The following NKAIN3 variants were observed in gnomAD, a reference collection of about 807,000 sequenced individuals.
NKAIN3 encodes the protein sodium/potassium-transporting ATPase subunit beta-1-interacting protein 3.
Under a neutral mutation model 30.2 loss-of-function variants are expected in NKAIN3, and 25 were observed. The observed-to-expected ratio is 0.83, with a 90% CI of 0.60 to 1.16. NKAIN3 has a LOEUF of 1.16. NKAIN3 is among the 50% of genes most tolerant of loss of function. NKAIN3 has a pLI of 0.00. For missense variants in NKAIN3, 225 were observed against 254.1 expected (o/e 0.89, Z 0.78); for synonymous variants, 91 against 89.6 (o/e 1.02, Z -0.09).
intron 5 of NKAIN3, among the ~76,000 whole-genome samples, chr8:62,999,066 A>G (rs1804191625): frequency 6.6e-6 from 1 of 152,018 alleles, no homozygotes; most frequent in Non-Finnish European, 1.5e-5. Context: ...TAATTGGGTT[A>G]TTGCTTTTCT....
intron 5 of NKAIN3, among the ~76,000 whole-genome samples, chr8:62,930,708 C>CT (rs5891884): frequency 0.22 from 31,389 of 145,076 alleles, 3,476 homozygotes; most frequent in South Asian, 0.29. Flanking sequence ...GAATTTCATC[C>CT]TTTTTTTTTT....
At chr8:62,263,456 T>C (rs1812507549) in intron 1 of NKAIN3, among the ~76,000 whole-genome samples, 1 of 152,162 alleles carries the variant, frequency 6.6e-6, no homozygotes, top group African/African-American at 2.4e-5. Context: ...ACTGTTATCC[T>C]ACAGGCATCA....
At chr8:62,475,688 T>A (rs921073603) in intron 1 of NKAIN3, among the ~76,000 whole-genome samples, 42 of 152,188 alleles carry the variant, frequency 2.8e-4, no homozygotes, top group Admixed American at 1.0e-3. Flanking sequence ...ATCCTACAAG[T>A]GATTCTGGAG....
chr8:62,262,513 C>T lies in NKAIN3; in HGVS notation c.54+13386C>T, dbSNP rs1812473511. ...GTCTGTTGGGAAACTCTTCCTTGGC[C>T]TTGTAGTATTGTGATTGCCAAAGAT... On this transcript the variant is annotated intron_variant, in intron 1 of 6. Transcript: ENST00000623646. 2.6e-5 allele frequency among the ~76,000 whole-genome samples: 4 copies of T among 152,104 alleles called. No homozygotes were observed. The South Asian group carries it at 8.3e-4, about 32-fold the overall frequency.
chr8:62,493,682 T>C (rs1398724400), intron 1 of NKAIN3, among the ~76,000 whole-genome samples: 2 of 152,172 alleles, frequency 1.3e-5, no homozygotes, highest in South Asian at 4.1e-4. Flanking sequence ...TTTGTTTGTG[T>C]CATCTCCATC....
chr8:62,368,245 A>G (rs953857290), intron 1 of NKAIN3, among the ~76,000 whole-genome samples: 4 of 152,186 alleles, frequency 2.6e-5, no homozygotes, highest in African/African-American at 9.6e-5. Context: ...TGGAACCACA[A>G]AATACCCAAA....
Position 62,971,180 on chromosome 8 carries a change from A to C in NKAIN3, c.*5773A>C, listed in dbSNP as rs2353363. Among the ~76,000 whole-genome samples, 1 of 152,150 alleles carries C rather than the reference A, an allele frequency of 6.6e-6. No homozygotes were observed. The highest frequency in any genetic ancestry group is 1.5e-5 in the Non-Finnish European group (1 of 68,018). On this transcript the variant is annotated 3_prime_UTR_variant, in exon 7 of 7. Coordinates refer to ENST00000623646, the MANE Select transcript of NKAIN3 (RefSeq NM_001304533.3). ...TGTATTCTGGCCTTGGAGGTGGAGA[A>C]GGAACAAAAGGAATGTTTCTTTCCT...
chr8:62,725,387 A>G (rs1371577970), intron 3 of NKAIN3, among the ~76,000 whole-genome samples: 6 of 151,992 alleles, frequency 3.9e-5, no homozygotes, highest in Non-Finnish European at 8.8e-5. Flanking sequence ...TATGATCCCA[A>G]TTGCCCATTT....
At chr8:62,936,123 G>A (rs879372422) in intron 5 of NKAIN3, among the ~76,000 whole-genome samples, 9 of 152,092 alleles carry the variant, frequency 5.9e-5, no homozygotes, top group African/African-American at 7.3e-5. Flanking sequence ...CCCAAAGACC[G>A]GACTTAATGC....
chr8:62,276,856 A>G (rs1326490733), intron 1 of NKAIN3, among the ~76,000 whole-genome samples: 1 of 152,148 alleles, frequency 6.6e-6, no homozygotes, highest in Non-Finnish European at 1.5e-5. Flanking sequence ...GACTCTTTTT[A>G]GAATACAACT....
At chr8:62,828,220 A>G (rs1313059747) in intron 4 of NKAIN3, among the ~76,000 whole-genome samples, 1 of 152,196 alleles carries the variant, frequency 6.6e-6, no homozygotes, top group Admixed American at 6.6e-5. Flanking sequence ...ATTGTTACAT[A>G]AAATTAATCA....
At chr8:62,882,511 T>C (rs1317190674) in intron 4 of NKAIN3, among the ~76,000 whole-genome samples, 1 of 152,122 alleles carries the variant, frequency 6.6e-6, no homozygotes, top group East Asian at 1.9e-4. Context: ...AGAGACAGGG[T>C]TTCACCATAT....
chr8:62,690,875 A>G (rs538624503), intron 3 of NKAIN3, among the ~76,000 whole-genome samples: 10 of 152,348 alleles, frequency 6.6e-5, no homozygotes, highest in Admixed American at 1.3e-4. Flanking sequence ...TGCTTCCAGC[A>G]CAGGTGGAAG....
At chr8:62,910,825 C>A (rs1563623740) in intron 4 of NKAIN3, among the ~76,000 whole-genome samples, 1 of 151,610 alleles carries the variant, frequency 6.6e-6, no homozygotes, top group Non-Finnish European at 1.5e-5. Flanking sequence ...ATTAACTCTA[C>A]ATATTGATAT....
rs373110408 is a variant in NKAIN3 at position 62,305,120 on chromosome 8, G to A, written c.54+55993G>A. 8.0e-5 allele frequency among the ~76,000 whole-genome samples: 12 copies of A among 150,464 alleles called. No individual in the cohort carries two copies. In the East Asian group the frequency reaches 1.6e-3, roughly 19 times the overall value. ...TATCTTTAAGCAATGGTTATTCTTA[G>A]TGTGTGGTTACATTTATCATAGCAT... On this transcript the variant is annotated intron_variant, in intron 1 of 6. Coordinates refer to ENST00000623646, the MANE Select transcript of NKAIN3 (RefSeq NM_001304533.3).
At chr8:62,721,991 G>C (rs1194261656) in intron 3 of NKAIN3, among the ~76,000 whole-genome samples, 1 of 152,164 alleles carries the variant, frequency 6.6e-6, no homozygotes, top group African/African-American at 2.4e-5. Context: ...CTGTGAAAGG[G>C]AAGAGCTTTT....
intron 1 of NKAIN3, among the ~76,000 whole-genome samples, chr8:62,409,460 A>T (rs893158163): frequency 6.6e-5 from 10 of 152,176 alleles, no homozygotes; most frequent in African/African-American, 1.7e-4. Context: ...CTGGGATAAT[A>T]GTCATGAACC....
At chr8:62,291,823 G>A (rs547869523) in intron 1 of NKAIN3, among the ~76,000 whole-genome samples, 2 of 152,238 alleles carry the variant, frequency 1.3e-5, no homozygotes, top group South Asian at 4.1e-4. Context: ...TCTGTCTAAT[G>A]TTGACCGTGG....
intron 4 of NKAIN3, among the ~76,000 whole-genome samples, chr8:62,899,334 T>C (rs1386688428): frequency 6.6e-6 from 1 of 152,156 alleles, no homozygotes; most frequent in Non-Finnish European, 1.5e-5. Context: ...GCAACATAAA[T>C]GTCCATCAAC....
Sources: gnomAD v4.1 joint callset for allele counts (sites outside exome capture counted in the v4.1 genomes callset) on GRCh38, gnomAD v4.1.1 for gene constraint, MANE v1.5 for transcripts, NCBI Gene and HGNC (gene_info 2026-07-23, HGNC 2026-07-21) for gene names.